The following LHFPL6 variants were observed in gnomAD, a reference collection of about 807,000 sequenced individuals.
LHFPL6 encodes LHFPL tetraspan subfamily member 6.
Under a neutral mutation model 20.6 loss-of-function variants are expected in LHFPL6, and 9 were observed. That is an observed-to-expected ratio of 0.44 (90% CI 0.26 to 0.76). The LOEUF is 0.76. Among genes scored for constraint, LHFPL6 ranks in the 30% least tolerant of loss-of-function variants. LHFPL6 has a pLI of 0.20. For synonymous variants in LHFPL6, 105 were observed against 98.7 expected, an observed-to-expected ratio of 1.06 and a Z score of -0.38; for missense variants, 218 against 253.5, an observed-to-expected ratio of 0.86 and a Z score of 0.95.
At chr13:39,568,364 T>C (rs968201513) in intron 2 of LHFPL6, among the ~76,000 whole-genome samples, 11 of 152,148 alleles carry the variant, frequency 7.2e-5, no homozygotes, top group African/African-American at 2.4e-4. Flanking sequence ...TGAGCTTGCA[T>C]GGTGCCTGAG....
At chr13:39,582,025 C>T (rs1383696445) in intron 2 of LHFPL6, among the ~76,000 whole-genome samples, 1 of 152,132 alleles carries the variant, frequency 6.6e-6, no homozygotes, top group Non-Finnish European at 1.5e-5. Flanking sequence ...AGCTCTATGC[C>T]CAGTGTTTCC....
intron 2 of LHFPL6, among the ~76,000 whole-genome samples, chr13:39,436,044 T>C (rs922955502): frequency 1.3e-5 from 2 of 151,648 alleles, no homozygotes; most frequent in South Asian, 4.1e-4. Flanking sequence ...TATATAAATA[T>C]GTTAAGCTTT....
chr13:39,468,167 T>C (rs931515082), intron 2 of LHFPL6, among the ~76,000 whole-genome samples: 2 of 152,220 alleles, frequency 1.3e-5, no homozygotes, highest in African/African-American at 4.8e-5. Context: ...AGTCTTCACA[T>C]TTATTTTACA....
chr13:39,379,862 C>A (rs1402670527), intron 2 of LHFPL6, among the ~76,000 whole-genome samples: 2 of 152,174 alleles, frequency 1.3e-5, no homozygotes, highest in Non-Finnish European at 2.9e-5. Flanking sequence ...AGGCAGAGGG[C>A]CATCTACTTG....
chr13:39,413,386 T>C (rs1871276285), intron 2 of LHFPL6, among the ~76,000 whole-genome samples: 1 of 151,574 alleles, frequency 6.6e-6, no homozygotes, highest in South Asian at 2.1e-4. Context: ...GATTAAAATA[T>C]TCGTAAATTA....
rs1311576559 is a variant in LHFPL6 at position 39,435,057 on chromosome 13, C to T, written c.386-56531G>A. Reference sequence around the variant, plus strand: ...CGACCTGGGCGACAGAGCGAGACTCCGTCTCAAAAAAAAAAAAAAAAAAAA... The same window carrying T: ...CGACCTGGGCGACAGAGCGAGACTCTGTCTCAAAAAAAAAAAAAAAAAAAA... On this transcript the variant is annotated intron_variant, in intron 2 of 3. Coordinates refer to ENST00000379589, the MANE Select transcript of LHFPL6 (RefSeq NM_005780.3). 6.4e-5 allele frequency among the ~76,000 whole-genome samples: 5 copies of T among 78,044 alleles called. No individual in the cohort carries two copies. In the East Asian group the frequency reaches 1.0e-3, roughly 16 times the overall value. 51.2% of individuals were successfully genotyped at this position (78,044 alleles called of 152,430 possible). A position where few individuals can be genotyped will look rare whatever the true frequency, so the allele number is the denominator to read the frequency against.
intron 2 of LHFPL6, among the ~76,000 whole-genome samples, chr13:39,573,311 G>A (rs1389835631): frequency 1.3e-5 from 2 of 152,064 alleles, no homozygotes; most frequent in Non-Finnish European, 2.9e-5. Context: ...ATTTAAATGA[G>A]TATGTATCAA....
At chr13:39,494,848 T>C (rs903476490) in intron 2 of LHFPL6, among the ~76,000 whole-genome samples, 2 of 152,230 alleles carry the variant, frequency 1.3e-5, no homozygotes, top group Non-Finnish European at 2.9e-5. Flanking sequence ...ACTGAGATTA[T>C]GGGCATTCCT....
chr13:39,509,580 G>A (rs186318050), intron 2 of LHFPL6, among the ~76,000 whole-genome samples: 4 of 151,612 alleles, frequency 2.6e-5, no homozygotes, highest in Admixed American at 2.6e-4. Context: ...AAATTTTTTG[G>A]ACTATTTTAA....
intron 2 of LHFPL6, among the ~76,000 whole-genome samples, chr13:39,418,378 TG>T (rs1309963661): frequency 4.8e-5 from 3 of 61,856 alleles, no homozygotes; most frequent in African/African-American, 1.5e-4. Flanking sequence ...AAAGTTTTTT[TG>T]GTCTTTTTTT....
At chr13:39,511,115 C>T (rs58328314) in intron 2 of LHFPL6, among the ~76,000 whole-genome samples, 13,181 of 152,004 alleles carry the variant, frequency 0.087, 637 homozygotes, top group East Asian at 0.12. Context: ...TCAGGTGATC[C>T]GTCCACCTCA....
At chr13:39,417,507 C>G (rs538598175) in intron 2 of LHFPL6, among the ~76,000 whole-genome samples, 2 of 152,198 alleles carry the variant, frequency 1.3e-5, no homozygotes, top group African/African-American at 2.4e-5. Flanking sequence ...ACTTTCCACC[C>G]GCTCAAAAGG....
intron 2 of LHFPL6, among the ~76,000 whole-genome samples, chr13:39,503,376 A>G (rs1869361950): frequency 1.3e-5 from 2 of 152,206 alleles, no homozygotes; most frequent in South Asian, 4.1e-4. Flanking sequence ...ATCAAACAGC[A>G]GCTCAATAAG....
intron 2 of LHFPL6, among the ~76,000 whole-genome samples, chr13:39,464,682 TG>T (rs1872759246): frequency 6.8e-6 from 1 of 146,438 alleles, no homozygotes; most frequent in South Asian, 2.2e-4. Flanking sequence ...ATTTAACTAT[TG>T]GGGGAAAAAG....
chr13:39,587,838 T>G (rs184328157), intron 2 of LHFPL6, among the ~76,000 whole-genome samples: 2 of 151,854 alleles, frequency 1.3e-5, no homozygotes, highest in East Asian at 3.9e-4. Flanking sequence ...CTGACTAGGG[T>G]AGGATCATGT....
chr13:39,513,528 T>C (rs1408966068), intron 2 of LHFPL6, among the ~76,000 whole-genome samples: 1 of 152,216 alleles, frequency 6.6e-6, no homozygotes, highest in African/African-American at 2.4e-5. Context: ...AAGAAATAAG[T>C]CTACATGTTC....
intron 2 of LHFPL6, among the ~76,000 whole-genome samples, chr13:39,596,696 TAAG>T (rs1174638194): frequency 1.3e-5 from 2 of 151,398 alleles, no homozygotes; most frequent in South Asian, 2.1e-4. Context: ...CCAAGTGACC[TAAG>T]AAGAAGTCTC....
At chr13:39,518,393 C>CA (rs1245413609) in intron 2 of LHFPL6, among the ~76,000 whole-genome samples, 11 of 152,156 alleles carry the variant, frequency 7.2e-5, no homozygotes, top group African/African-American at 2.6e-4. Context: ...AGATGTGTTT[C>CA]AAAAAACTGT....
At chr13:39,563,871 T>G (rs9548825) in intron 2 of LHFPL6, among the ~76,000 whole-genome samples, 50,688 of 152,078 alleles carry the variant, frequency 0.33, 9,803 homozygotes, top group Non-Finnish European at 0.43. Context: ...CCTTTTCTTC[T>G]CAGAGCCTCG....
Sources: allele counts gnomAD v4.1 joint callset (sites outside exome capture counted in the v4.1 genomes callset), GRCh38; gene constraint gnomAD v4.1.1; transcripts MANE v1.5; gene names NCBI Gene and HGNC (gene_info 2026-07-23, HGNC 2026-07-21).